MTCH2: variants seen among roughly 807,000 people sequenced by gnomAD.
MTCH2 encodes mitochondrial carrier 2.
In MTCH2, 25 loss-of-function variants were observed where a neutral mutation model predicts 50.6. The observed-to-expected ratio is 0.49, with a 90% CI of 0.36 to 0.69. The LOEUF (loss-of-function observed/expected upper bound fraction) is 0.69, where lower values mean the gene tolerates loss of function less well. Among genes scored for constraint, MTCH2 ranks in the 30% least tolerant of loss-of-function variants. MTCH2 has a pLI of 0.00. For missense variants in MTCH2, 273 were observed against 384.4 expected (o/e 0.71, Z 2.42); for synonymous variants, 106 against 132.0 (o/e 0.80, Z 1.35).
At position 47,618,713 on chromosome 11, in the gene MTCH2, AT is replaced by A. The variant is rs979226916; in HGVS notation, c.*119del. ...AAAAAGGCAGACACCAAACACCTGA[AT>A]TTTCCCAAGATTAAATGATTATTAA... On this transcript the variant is annotated 3_prime_UTR_variant, in exon 13 of 13. Transcript: ENST00000302503. The A allele has an allele frequency of 1.7e-5, 12 of 722,020 alleles. No individual in the cohort carries two copies. The highest frequency in any genetic ancestry group is 8.6e-5 in the African/African-American group (2 of 23,164). 44.7% of individuals were successfully genotyped at this position (722,020 alleles called of 1,614,324 possible).
chr11:47,614,469 CTTTTT>C (rs1012676544), downstream of MTCH2, among the ~76,000 whole-genome samples: 4 of 152,110 alleles, frequency 2.6e-5, no homozygotes, highest in Admixed American at 2.6e-4. Flanking sequence ...GCTAGTTTTT[CTTTTT>C]TCTTTTTTTT....
At chr11:47,633,133 A>G (rs1473768696) in intron 5 of MTCH2, among the ~76,000 whole-genome samples, 27 of 126,076 alleles carry the variant, frequency 2.1e-4, no homozygotes, top group Non-Finnish European at 3.3e-5. Context: ...TTTTTTTGAG[A>G]GGGAGTCTCG....
intron 5 of MTCH2, 84 bp downstream of exon 5, chr11:47,634,588 C>T: frequency 9.4e-7 from 1 of 1,061,834 alleles, no homozygotes; most frequent in South Asian, 1.4e-5. Context: ...ACACTGAACA[C>T]ACAGGCCTGA....
chr11:47,627,012 G>T, intron 10 of MTCH2, 68 bp downstream of exon 10: 1 of 1,238,838 alleles, frequency 8.1e-7, no homozygotes, highest in Non-Finnish European at 1.1e-6. Context: ...ACACAAGCCA[G>T]ATTTAAAAGG....
chr11:47,636,531 A>G (rs1284828706), intron 3 of MTCH2, among the ~76,000 whole-genome samples: 1 of 151,966 alleles, frequency 6.6e-6, no homozygotes, highest in Non-Finnish European at 1.5e-5. Flanking sequence ...CAGGAGTTTG[A>G]GAACAGCCTG....
In MTCH2 at chr11:47,622,754, A is replaced by G. The variant is rs1030962650; in HGVS notation, c.772T>C (p.Tyr258His). Reference protein sequence around the residue: ...NCGLAGGCPPYSPIYTSWIDC... With the variant: ...NCGLAGGCPPHSPIYTSWIDC... ...ATCCAAGACGTATATATTGGGGAGT[A>G]AGGAGGGCATCCACCAGCAAGACTA... is the stretch of plus-strand genomic sequence containing the variant. Residue 258 changes from tyrosine to histidine, a missense_variant, in exon 12 of 13, where the codon TAC becomes CAC. This residue lies in a region of MTCH2 where 70 missense variants were observed against 140.1 expected (regional missense o/e 0.50). Transcript: ENST00000302503. 1 of 1,611,478 alleles carries G rather than the reference A, an allele frequency of 6.2e-7. No individual in the cohort carries two copies. The highest frequency in any genetic ancestry group is 2.2e-5 in the East Asian group (1 of 44,784).
At position 47,631,705 on chromosome 11, in the gene MTCH2, G is replaced by C; in HGVS notation, c.376C>G (p.Arg126Gly). 1 of 1,614,052 alleles carries C rather than the reference G, an allele frequency of 6.2e-7. No individual in the cohort carries two copies. The highest frequency in any genetic ancestry group is 1.6e-4 in the Middle Eastern group (1 of 6,062). The change falls in exon 6 of 13, where the codon CGA (arginine) becomes GGA (glycine). Residue 126 changes from arginine to glycine, a missense_variant. By Grantham distance (125) the Arg-to-Gly change is moderately radical. Coordinates refer to ENST00000302503, the MANE Select transcript of MTCH2 (RefSeq NM_014342.4). ...SFDHVIKETT[R>G]EMIARSAATL... ...GCAGCAGAACGAGCGATCATCTCTCGAGTTGTCTAGAAACAATCAACACAC... is the reference window on the plus strand; with the variant it reads ...GCAGCAGAACGAGCGATCATCTCTCCAGTTGTCTAGAAACAATCAACACAC...
At chr11:47,633,318 G>A (rs1354588493) in intron 5 of MTCH2, among the ~76,000 whole-genome samples, 1 of 148,098 alleles carries the variant, frequency 6.8e-6, no homozygotes. Flanking sequence ...CACCGTGTTA[G>A]CCAGGGTGGT....
intron 3 of MTCH2, among the ~76,000 whole-genome samples, chr11:47,636,946 A>G (rs1164118975): frequency 7.7e-6 from 1 of 129,198 alleles, no homozygotes; most frequent in Non-Finnish European, 1.6e-5. Flanking sequence ...ACAAAAAAGA[A>G]AATTCAAGAA....
chr11:47,617,169 G>A (rs1179446958), downstream of MTCH2: 1 of 152,188 alleles, frequency 6.6e-6, no homozygotes, highest in Non-Finnish European at 1.5e-5. Flanking sequence ...CTAGGCCTTG[G>A]AGAAATTTCT....
At chr11:47,627,170 A>C in intron 9 of MTCH2, 43 bp from the exon 10 acceptor site, 2 of 1,317,794 alleles carry the variant, frequency 1.5e-6, no homozygotes, top group East Asian at 4.7e-5. Context: ...CTACAACACT[A>C]CAACACATCA....
intron 1 of MTCH2, among the ~76,000 whole-genome samples, chr11:47,641,614 C>T (rs1299301719): frequency 6.6e-6 from 1 of 152,198 alleles, no homozygotes; most frequent in Non-Finnish European, 1.5e-5. Flanking sequence ...ACTTGGCCTA[C>T]CTGCATGTGA....
chr11:47,625,361 C>A (rs549725563), intron 11 of MTCH2, among the ~76,000 whole-genome samples: 1 of 147,806 alleles, frequency 6.8e-6, no homozygotes, highest in East Asian at 2.0e-4. Context: ...AGGTGGAGGT[C>A]GCAGTGAGCC....
Position 47,629,387 on chromosome 11 carries a change from TA to T in MTCH2, c.540-342del, listed in dbSNP as rs543647393. 1.1e-3 allele frequency: 258 copies of T among 242,454 alleles called. 2 individuals are homozygous for T. The highest frequency in any genetic ancestry group is 5.5e-3 in the African/African-American group (250 of 45,136). The allele number at this position is 242,454 out of a possible 1,614,324, so 15.0% of individuals were successfully genotyped here. On this transcript the variant is annotated intron_variant, in intron 8 of 12. Coordinates refer to ENST00000302503, the MANE Select transcript of MTCH2 (RefSeq NM_014342.4). ...AAATATTGTTTTGCTTTGACTAGCTTAAAAAAATGATTTTGCTAAGCTATCT... is the reference window on the plus strand; with the variant it reads ...AAATATTGTTTTGCTTTGACTAGCTTAAAAAATGATTTTGCTAAGCTATCT...
At chr11:47,633,681 C>T (rs1309080033) in intron 5 of MTCH2, among the ~76,000 whole-genome samples, 1 of 150,536 alleles carries the variant, frequency 6.6e-6, no homozygotes, top group Non-Finnish European at 1.5e-5. Flanking sequence ...GGATTACAGA[C>T]ATGCGCCACC....
chr11:47,626,717 A>G (rs1033006658), intron 10 of MTCH2, among the ~76,000 whole-genome samples: 1 of 151,600 alleles, frequency 6.6e-6, no homozygotes, highest in Non-Finnish European at 1.5e-5. Context: ...GGTTCCAGTG[A>G]TTCTCCTGCC....
the MTCH2 span, among the ~76,000 whole-genome samples, chr11:47,611,187 C>T: frequency 6.6e-6 from 1 of 152,244 alleles, no homozygotes; most frequent in African/African-American, 2.4e-5. Context: ...TGCTGCCCCT[C>T]GCACAGAACT....
At chr11:47,640,571 A>G (rs1565978523) in intron 1 of MTCH2, among the ~76,000 whole-genome samples, 2 of 151,934 alleles carry the variant, frequency 1.3e-5, no homozygotes, top group South Asian at 4.2e-4. Context: ...ACCCACCACC[A>G]CACCCAGCTA....
intron 9 of MTCH2, among the ~76,000 whole-genome samples, chr11:47,627,761 G>C (rs1447892578): frequency 6.6e-6 from 1 of 151,878 alleles, no homozygotes; most frequent in African/African-American, 2.4e-5. Context: ...AAAGTGTTGG[G>C]ATTACAGCAT....
Sources: gnomAD v4.1 joint callset for allele counts (sites outside exome capture counted in the v4.1 genomes callset) on GRCh38, gnomAD v4.1.1 for gene constraint, gnomAD v4.1.1 regional missense constraint, MANE v1.5 for transcripts, NCBI Gene and HGNC (gene_info 2026-07-23, HGNC 2026-07-21) for gene names.